Variants in MYRIP observed in about 807,000 individuals in gnomAD.
MYRIP encodes the protein myosin VIIA and Rab interacting protein.
MYRIP carries 49 observed loss-of-function variants against 98.0 expected under a neutral mutation model. That is an observed-to-expected ratio of 0.50 (90% CI 0.40 to 0.63). The LOEUF (loss-of-function observed/expected upper bound fraction) is 0.63, where lower values mean the gene tolerates loss of function less well. MYRIP is among the 30% of genes least tolerant of loss of function. MYRIP has a pLI of 0.00. For missense variants in MYRIP, 1,004 were observed against 1,058.2 expected (o/e 0.95, Z 0.71); for synonymous variants, 404 against 409.5 (o/e 0.99, Z 0.16).
chr3:40,246,889 T>C (rs1487245303), intron 13 of MYRIP, among the ~76,000 whole-genome samples: 1 of 152,212 alleles, frequency 6.6e-6, no homozygotes, highest in Admixed American at 6.5e-5. Flanking sequence ...GGGTCAATGC[T>C]GTGAACTAGA....
chr3:40,079,830 A>G (rs1479411677), intron 3 of MYRIP, among the ~76,000 whole-genome samples: 1 of 152,242 alleles, frequency 6.6e-6, no homozygotes, highest in Non-Finnish European at 1.5e-5. Flanking sequence ...TGCAATACAA[A>G]ATAACTTTGA....
intron 11 of MYRIP, among the ~76,000 whole-genome samples, chr3:40,225,501 A>G (rs534211278): frequency 2.0e-5 from 3 of 152,260 alleles, no homozygotes; most frequent in African/African-American, 7.2e-5. Context: ...CCCACAGTCC[A>G]CTGGGTCCAG....
At chr3:40,153,190 T>C (rs1950156007) in intron 4 of MYRIP, among the ~76,000 whole-genome samples, 1 of 152,208 alleles carries the variant, frequency 6.6e-6, no homozygotes, top group South Asian at 2.1e-4. Context: ...ATACTATTTG[T>C]ATCTCCATTT....
Position 39,963,038 on chromosome 3 carries a change from C to T in MYRIP, c.110+62112C>T, listed in dbSNP as rs374762644. On this transcript the variant is annotated intron_variant, in intron 2 of 16. Transcript: ENST00000302541. ...GCAAATAATTCAGTAAGCTCATGTA[C>T]GAGAAGGGGCTCATATCATCTAGAT... Among the ~76,000 whole-genome samples the T allele has an allele frequency of 4.1e-4, 63 of 152,116 alleles. No individual in the cohort carries two copies. The East Asian group carries it at 6.2e-3, about 15-fold the overall frequency.
intron 3 of MYRIP, among the ~76,000 whole-genome samples, chr3:40,148,579 T>C (rs929767350): frequency 2.0e-5 from 3 of 152,346 alleles, no homozygotes; most frequent in Admixed American, 2.0e-4. Context: ...TTCCAATAAG[T>C]TGTTGCTTAT....
intron 2 of MYRIP, among the ~76,000 whole-genome samples, chr3:39,998,189 T>A (rs1946418032): frequency 6.6e-6 from 1 of 152,128 alleles, no homozygotes; most frequent in African/African-American, 2.4e-5. Context: ...GCCAGAGCAA[T>A]CAGGCTGCAG....
chr3:39,984,193 GTTTATTTTAT>G (rs71288070), intron 2 of MYRIP, among the ~76,000 whole-genome samples: 3,475 of 145,640 alleles, frequency 0.024, 142 homozygotes, highest in African/African-American at 0.08. Flanking sequence ...TGTAAGGAAA[GTTTATTTTAT>G]TTTATTTTAT....
At chr3:40,138,330 T>C (rs971555334) in intron 3 of MYRIP, among the ~76,000 whole-genome samples, 6 of 152,186 alleles carry the variant, frequency 3.9e-5, no homozygotes, top group Non-Finnish European at 8.8e-5. Context: ...GCTGTCTAAT[T>C]CTTCCTCTAG....
intron 1 of MYRIP, among the ~76,000 whole-genome samples, chr3:39,841,367 A>G (rs1941794324): frequency 6.6e-6 from 1 of 152,056 alleles, no homozygotes; most frequent in South Asian, 2.1e-4. Context: ...TTATCAATCA[A>G]GGTTCTTAGC....
chr3:40,244,106 T>C (rs1415293540), intron 12 of MYRIP, among the ~76,000 whole-genome samples: 1 of 152,208 alleles, frequency 6.6e-6, no homozygotes, highest in Non-Finnish European at 1.5e-5. Context: ...CATGAGTCTC[T>C]TTGTTTCTTC....
At chr3:40,215,357 G>C (rs1952084594) in intron 11 of MYRIP, among the ~76,000 whole-genome samples, 1 of 151,912 alleles carries the variant, frequency 6.6e-6, no homozygotes, top group African/African-American at 2.4e-5. Flanking sequence ...TGAAAAAATT[G>C]AATTTTATTT....
Position 40,170,056 on chromosome 3 carries a change from C to T in MYRIP, c.836C>T (p.Ala279Val). Residue 279 changes from alanine (A) to valine (V), a missense_variant, in exon 8 of 17, where the codon GCA becomes GTA. Physicochemically the swap from Ala to Val is moderately conservative, Grantham distance 64. Transcript: ENST00000302541. ...AAGGTGGCAGATGAGGGGACCTCAG[C>T]ATCCCCTGGAGGCTACCGTGCTCCC... is the stretch of plus-strand genomic sequence containing the variant. ...STKVADEGTS[A>V]SPGGYRAPAA... is the part of the protein sequence containing the mutation. 6.2e-7 allele frequency: 1 copy of T among 1,614,248 alleles called. No homozygotes were observed. Among genetic ancestry groups the T allele is most frequent in the South Asian group, 1.1e-5 (1 of 91,086 alleles).
At chr3:39,988,486 A>T (rs1946091808) in intron 2 of MYRIP, among the ~76,000 whole-genome samples, 1 of 151,786 alleles carries the variant, frequency 6.6e-6, no homozygotes, top group African/African-American at 2.4e-5. Context: ...TCTGATGATT[A>T]TTTGGGGTTG....
intron 3 of MYRIP, among the ~76,000 whole-genome samples, chr3:40,148,309 G>T (rs756601582): frequency 6.6e-6 from 1 of 152,080 alleles, no homozygotes; most frequent in Non-Finnish European, 1.5e-5. Context: ...TTGGTAGGCC[G>T]TCTTAACCTA....
intron 1 of MYRIP, among the ~76,000 whole-genome samples, chr3:39,844,555 G>A (rs1456685386): frequency 6.6e-6 from 1 of 152,188 alleles, no homozygotes; most frequent in Non-Finnish European, 1.5e-5. Context: ...ATATCTTCTG[G>A]AACTGCTTGG....
intron 2 of MYRIP, among the ~76,000 whole-genome samples, chr3:39,914,713 A>G (rs1025589645): frequency 1.5e-4 from 23 of 152,266 alleles, no homozygotes; most frequent in African/African-American, 4.3e-4. Flanking sequence ...ATATGGGCCA[A>G]TGCACCTATA....
intron 3 of MYRIP, among the ~76,000 whole-genome samples, chr3:40,085,352 T>G (rs2125876766): frequency 6.6e-6 from 1 of 152,334 alleles, no homozygotes; most frequent in East Asian, 1.9e-4. Context: ...AGTGGCGCGA[T>G]CTTGGCCCAC....
At chr3:39,992,875 T>C (rs1000355424) in intron 2 of MYRIP, among the ~76,000 whole-genome samples, 2 of 152,214 alleles carry the variant, frequency 1.3e-5, no homozygotes, top group African/African-American at 4.8e-5. Flanking sequence ...ATTCCAATAA[T>C]CCTTCATCCC....
intron 11 of MYRIP, among the ~76,000 whole-genome samples, chr3:40,231,408 A>G (rs1423979840): frequency 6.6e-6 from 1 of 152,200 alleles, no homozygotes; most frequent in African/African-American, 2.4e-5. Context: ...CTGGCACACC[A>G]TAGGTTCCCA....
Sources: allele counts gnomAD v4.1 joint callset (sites outside exome capture counted in the v4.1 genomes callset), GRCh38; gene constraint gnomAD v4.1.1; transcripts MANE v1.5; gene names NCBI Gene and HGNC (gene_info 2026-07-23, HGNC 2026-07-21).